GBE1: variants seen among roughly 807,000 people sequenced by gnomAD.
The protein encoded by GBE1 is 1,4-alpha-glucan-branching enzyme.
In GBE1, 70 loss-of-function variants were observed where a neutral mutation model predicts 88.8. The ratio of observed to expected loss-of-function variants is 0.79; its 90% CI spans 0.65 to 0.96. The LOEUF (loss-of-function observed/expected upper bound fraction) is 0.96. Ranked by LOEUF, GBE1 falls within the 40% of genes least tolerant of loss-of-function variation. GBE1 has a pLI of 0.00. For missense variants in GBE1, 872 were observed against 871.0 expected (o/e 1.00, Z -0.01); for synonymous variants, 284 against 300.1 (o/e 0.95, Z 0.56).
rs752462708 is a variant in GBE1, at chr3:81,562,680, G to A, written c.1618+15245C>T. Among the ~76,000 whole-genome samples the A allele has an allele frequency of 4.8e-4, 73 of 152,144 alleles. 1 individual carries two copies. Among genetic ancestry groups the A allele is most frequent in the Non-Finnish European group, 8.8e-4 (60 of 67,976 alleles). ...TTTTTACAGTAGTAGGGTGCTAAAA[G>A]ACTGTTAAGTTGAGGCAAGTCATCT... On this transcript the variant is annotated intron_variant, in intron 12 of 15. Coordinates refer to ENST00000429644, the MANE Select transcript of GBE1 (RefSeq NM_000158.4).
At chr3:81,720,621 T>C (rs984158335) in intron 1 of GBE1, among the ~76,000 whole-genome samples, 4 of 152,180 alleles carry the variant, frequency 2.6e-5, no homozygotes, top group South Asian at 2.1e-4. Context: ...CTTGTAATGA[T>C]GTAATGTATG....
chr3:81,663,682 A>C (rs2107101810), intron 3 of GBE1, among the ~76,000 whole-genome samples: 1 of 152,288 alleles, frequency 6.6e-6, no homozygotes, highest in East Asian at 1.9e-4. Flanking sequence ...CAAGCAGCAT[A>C]TAGACAGCAA....
chr3:81,681,244 T>C lies in GBE1; in HGVS notation c.314-10291A>G, dbSNP rs149891646. Among the ~76,000 whole-genome samples, 16 of 152,322 alleles carry C rather than the reference T, an allele frequency of 1.1e-4. No individual in the cohort carries two copies. The East Asian group carries it at 3.1e-3, about 29-fold the overall frequency. ...ATGGGCCAAGAATGGCTCTCAAGTA[T>C]GTTTTCAGTAGCTAGCTAGCTATCC... On this transcript the variant is annotated intron_variant, in intron 2 of 15. Coordinates refer to ENST00000429644, the MANE Select transcript of GBE1 (RefSeq NM_000158.4).
intron 15 of GBE1, among the ~76,000 whole-genome samples, chr3:81,492,243 T>C: frequency 6.6e-6 from 1 of 152,222 alleles, no homozygotes; most frequent in East Asian, 1.9e-4. Context: ...GTATTTAATA[T>C]CTCATAACTA....
At position 81,490,232 on chromosome 3, in the gene GBE1, A is replaced by G; in HGVS notation, c.*175T>C. ...CCTAATATTTTAAACATATTCTCCC[A>G]TCTACTTAAATAAAAGTTTGCTGTA... On this transcript the variant is annotated 3_prime_UTR_variant, in exon 16 of 16. Coordinates refer to ENST00000429644, the MANE Select transcript of GBE1 (RefSeq NM_000158.4). The G allele has an allele frequency of 1.7e-6, 1 of 594,448 alleles. No homozygotes were observed. The highest frequency in any genetic ancestry group is 3.0e-6 in the Non-Finnish European group (1 of 337,882). The allele number at this position is 594,448 out of a possible 1,614,324, so 36.8% of individuals were successfully genotyped here.
chr3:81,557,412 C>A (rs1229407335), intron 12 of GBE1, among the ~76,000 whole-genome samples: 6 of 151,292 alleles, frequency 4.0e-5, no homozygotes, highest in Non-Finnish European at 8.8e-5. Flanking sequence ...ACTAAAATGA[C>A]TCCCAGATTT....
chr3:81,715,141 C>A (rs1705923794), intron 1 of GBE1, among the ~76,000 whole-genome samples: 1 of 152,254 alleles, frequency 6.6e-6, no homozygotes, highest in Non-Finnish European at 1.5e-5. Context: ...GGGAAGAAGT[C>A]CTTAGATAAA....
intron 7 of GBE1, among the ~76,000 whole-genome samples, chr3:81,622,138 C>T (rs1704341656): frequency 6.6e-6 from 1 of 152,164 alleles, no homozygotes; most frequent in Non-Finnish European, 1.5e-5. Context: ...AAGTTTTCTA[C>T]ACTTGCTGCC....
intron 7 of GBE1, among the ~76,000 whole-genome samples, chr3:81,619,055 G>T (rs965917165): frequency 6.6e-6 from 1 of 151,970 alleles, no homozygotes; most frequent in Non-Finnish European, 1.5e-5. Context: ...GTCATCTATT[G>T]CAAGGAACAT....
At chr3:81,514,271 T>C (rs1359450617) in intron 14 of GBE1, among the ~76,000 whole-genome samples, 2 of 151,616 alleles carry the variant, frequency 1.3e-5, no homozygotes, top group South Asian at 2.1e-4. Context: ...AACATAATAA[T>C]TTTTCATTTT....
At chr3:81,634,436 T>C (rs963458245) in intron 7 of GBE1, among the ~76,000 whole-genome samples, 3 of 152,210 alleles carry the variant, frequency 2.0e-5, no homozygotes, top group African/African-American at 4.8e-5. Context: ...TTCTATATAG[T>C]ATACATGATT....
chr3:81,639,350 TA>T lies in GBE1; in HGVS notation c.992+3430del, dbSNP rs1553687942. On this transcript the variant is annotated intron_variant, in intron 7 of 15. Coordinates refer to ENST00000429644, the MANE Select transcript of GBE1 (RefSeq NM_000158.4). ...TTATAATGAAAGGTGTATTTTTTTTTAAAAAAAATGGCTATTTCAGACATAA... is the reference window on the plus strand; with the variant it reads ...TTATAATGAAAGGTGTATTTTTTTTTAAAAAAATGGCTATTTCAGACATAA... Among the ~76,000 whole-genome samples, 158 of 151,558 alleles carry T rather than the reference TA, an allele frequency of 1.0e-3. 1 individual carries two copies. Among genetic ancestry groups the T allele is most frequent in the African/African-American group, 2.5e-3 (102 of 41,290 alleles).
intron 12 of GBE1, among the ~76,000 whole-genome samples, chr3:81,544,151 G>C (rs1559640000): frequency 2.0e-5 from 3 of 152,206 alleles, no homozygotes; most frequent in East Asian, 3.9e-4. Context: ...TCACAAGTAA[G>C]GGCTTTTAAG....
chr3:81,699,394 C>A (rs1705652446), intron 2 of GBE1, among the ~76,000 whole-genome samples: 1 of 152,130 alleles, frequency 6.6e-6, no homozygotes, highest in Non-Finnish European at 1.5e-5. Flanking sequence ...CTGTATACCA[C>A]AAAGATGGGT....
intron 3 of GBE1, among the ~76,000 whole-genome samples, chr3:81,665,535 C>CA (rs1244162448): frequency 0.24 from 21,507 of 89,814 alleles, 1,739 homozygotes; most frequent in Non-Finnish European, 0.29. Context: ...GACTCCGTCT[C>CA]AAAAAAAAAA....
At chr3:81,744,216 T>A (rs928174178) in intron 1 of GBE1, among the ~76,000 whole-genome samples, 1 of 152,150 alleles carries the variant, frequency 6.6e-6, no homozygotes, top group African/African-American at 2.4e-5. Context: ...AACTGAGATG[T>A]GCTATAAGTG....
At chr3:81,753,746 C>A (rs1159971276) in intron 1 of GBE1, among the ~76,000 whole-genome samples, 1 of 152,174 alleles carries the variant, frequency 6.6e-6, no homozygotes, top group Non-Finnish European at 1.5e-5. Context: ...TAGTAAAGAT[C>A]TCAGCTGCAA....
intron 7 of GBE1, among the ~76,000 whole-genome samples, chr3:81,637,589 A>AT (rs1283425457): frequency 4.6e-5 from 7 of 151,948 alleles, no homozygotes; most frequent in Non-Finnish European, 5.9e-5. Flanking sequence ...TTTGTATGCT[A>AT]TTTTTTCTGT....
Position 81,620,013 on chromosome 3 carries a change from A to T in GBE1, c.992+22768T>A, listed in dbSNP as rs149818657. ...GCTAAAATATCTCCATATTTAAAAA[A>T]ATATACTTTGCAAATTAATTTATTT... On this transcript the variant is annotated intron_variant, in intron 7 of 15. Coordinates refer to ENST00000429644, the MANE Select transcript of GBE1 (RefSeq NM_000158.4). Among the ~76,000 whole-genome samples, 1,086 of 152,138 alleles carry T rather than the reference A, an allele frequency of 7.1e-3. 9 individuals carry two copies. The highest frequency in any genetic ancestry group is 0.024 in the Middle Eastern group (7 of 294).
Sources: gnomAD v4.1 joint callset for allele counts (sites outside exome capture counted in the v4.1 genomes callset) on GRCh38, gnomAD v4.1.1 for gene constraint, MANE v1.5 for transcripts, NCBI Gene and HGNC (gene_info 2026-07-23, HGNC 2026-07-21) for gene names.